Variants in RINT1 observed in about 807,000 individuals in gnomAD.
RINT1 encodes the protein RAD50 interactor 1.
A neutral mutation model predicts 97.7 loss-of-function variants in RINT1; 75 were observed. The observed-to-expected ratio is 0.77, with a 90% CI of 0.64 to 0.93. RINT1 has a LOEUF of 0.93. Among genes scored for constraint, RINT1 ranks in the 40% least tolerant of loss-of-function variants. The pLI is 0.00. For synonymous variants in RINT1, 303 were observed against 326.3 expected, an observed-to-expected ratio of 0.93 and a Z score of 0.77; for missense variants, 892 against 925.2, an observed-to-expected ratio of 0.96 and a Z score of 0.47.
At chr7:105,561,442 C>T (rs750456169) in intron 11 of RINT1, among the ~76,000 whole-genome samples, 28 of 151,880 alleles carry the variant, frequency 1.8e-4, no homozygotes, top group Non-Finnish European at 3.1e-4. Flanking sequence ...ACAGGAGAAT[C>T]GCCTGAACCA....
chr7:105,559,026 C>G (rs1049209235), intron 11 of RINT1, among the ~76,000 whole-genome samples: 6 of 152,156 alleles, frequency 3.9e-5, no homozygotes, highest in Admixed American at 3.3e-4. Context: ...TAACTAGGTT[C>G]TCTGTCAGCA....
intron 4 of RINT1, among the ~76,000 whole-genome samples, chr7:105,546,124 C>T (rs926905625): frequency 2.0e-5 from 3 of 152,146 alleles, no homozygotes; most frequent in Non-Finnish European, 2.9e-5. Flanking sequence ...CCACCAAGCC[C>T]CGCCTGGAAT....
chr7:105,566,568 A>G (rs1470528086), intron 14 of RINT1: 1 of 152,110 alleles, frequency 6.6e-6, no homozygotes, highest in East Asian at 1.9e-4. Context: ...GCTACTTGAG[A>G]GGCTGAGGCT....
Position 105,547,000 on chromosome 7 carries a change from G to A in RINT1, c.606G>A (p.Gln202=). ...TGGCAGAACTTGACATTAAACTTCA[G>A]GAATCATCTTGTACTCATCTTCTTG... ...VSMAELDIKL[Q]ESSCTHLLGF... The change falls in exon 5 of 15, where the codon CAG becomes CAA. Residue 202 remains glutamine, a synonymous_variant. Coordinates refer to ENST00000257700, the MANE Select transcript of RINT1 (RefSeq NM_021930.6). 1 of 1,613,920 alleles carries A rather than the reference G, an allele frequency of 6.2e-7. No individual in the cohort carries two copies. The highest frequency in any genetic ancestry group is 1.1e-5 in the South Asian group (1 of 91,052).
intron 3 of RINT1, 37 bp from the exon 4 acceptor site, chr7:105,542,371 T>A: frequency 6.9e-7 from 1 of 1,459,594 alleles, no homozygotes; most frequent in South Asian, 1.2e-5. Context: ...TGATTGCTGC[T>A]GTTCTTTCTT....
At position 105,550,151 on chromosome 7, in the gene RINT1, T is replaced by C; in HGVS notation, c.1093T>C (p.Leu365=). Reference sequence around the variant, plus strand: ...GCCAATATTAGACAAAGTAGGCTCTTTGGTAAACGCAAGGGTAAGAGACTC... The same window carrying C: ...GCCAATATTAGACAAAGTAGGCTCTCTGGTAAACGCAAGGGTAAGAGACTC... The part of the protein sequence containing the change: ...IQPILDKVGS[L]VNARLEFSRG... The change falls in exon 8 of 15, where the codon TTG becomes CTG. Residue 365 remains leucine (L), a synonymous_variant. Transcript: ENST00000257700. The C allele has an allele frequency of 6.2e-7, 1 of 1,613,100 alleles. No homozygotes were observed. Among genetic ancestry groups the C allele is most frequent in the Non-Finnish European group, 8.5e-7 (1 of 1,179,138 alleles).
At chr7:105,545,531 T>TATA (rs1491113569) in intron 4 of RINT1, among the ~76,000 whole-genome samples, 15 of 107,476 alleles carry the variant, frequency 1.4e-4, no homozygotes, top group African/African-American at 4.4e-4. Flanking sequence ...TATATATATA[T>TATA]TTTTTTTTTT....
intron 3 of RINT1, among the ~76,000 whole-genome samples, chr7:105,541,223 ACCT>A (rs921110238): frequency 1.3e-5 from 2 of 150,446 alleles, no homozygotes; most frequent in African/African-American, 4.9e-5. Context: ...GCTCACTGCA[ACCT>A]CCTCCCGGTT....
In RINT1 at chr7:105,555,020, T is replaced by A. The variant is rs961408238; in HGVS notation, c.1472-8T>A. 2.5e-6 allele frequency: 4 copies of A among 1,611,234 alleles called. No homozygotes were observed. In the African/African-American group the frequency reaches 5.4e-5, roughly 22 times the overall value. On this transcript the variant is annotated splice_polypyrimidine_tract_variant and splice_region_variant and intron_variant, in intron 10 of 14. Transcript: ENST00000257700. Reference sequence around the variant, plus strand: ...AACCTTCATATGTCTTAATAACTTTTTCCACAGACAGGTATAAAAATCTTC... The same window carrying A: ...AACCTTCATATGTCTTAATAACTTTATCCACAGACAGGTATAAAAATCTTC...
At chr7:105,558,453 G>A (rs965955611) in intron 11 of RINT1, among the ~76,000 whole-genome samples, 2 of 152,088 alleles carry the variant, frequency 1.3e-5, no homozygotes, top group Non-Finnish European at 2.9e-5. Context: ...TGTTATTCTT[G>A]ATTCTTGTGC....
chr7:105,554,967 C>A, intron 10 of RINT1, 61 bp from the exon 11 acceptor site: 1 of 1,365,786 alleles, frequency 7.3e-7, no homozygotes, highest in Non-Finnish European at 1.0e-6. Flanking sequence ...GTAGGGAAAA[C>A]TTATAACTAT....
intron 4 of RINT1, among the ~76,000 whole-genome samples, chr7:105,542,969 A>G (rs1790520638): frequency 6.6e-6 from 1 of 151,222 alleles, no homozygotes; most frequent in African/African-American, 2.4e-5. Context: ...ACTGCAAGCT[A>G]CACCTCCCGG....
intron 11 of RINT1, among the ~76,000 whole-genome samples, chr7:105,560,983 G>C (rs1166199668): frequency 6.6e-6 from 1 of 151,964 alleles, no homozygotes; most frequent in African/African-American, 2.4e-5. Flanking sequence ...GGCTCCCAAA[G>C]TGCTGGGTTT....
chr7:105,540,063 T>C (rs1429475493), intron 3 of RINT1, among the ~76,000 whole-genome samples: 3 of 151,990 alleles, frequency 2.0e-5, no homozygotes, highest in African/African-American at 7.2e-5. Flanking sequence ...AAAATTCACT[T>C]AATAAATGCC....
Position 105,532,230 on chromosome 7 carries a change from T to G in RINT1, c.-86T>G. On this transcript the variant is annotated 5_prime_UTR_variant, in exon 1 of 15. Transcript: ENST00000257700. ...CACTCAGTCCTACGGCCTCCGAGGC[T>G]GGGTAGTGAGTGTGTCGCTGGCCTT... 1.4e-6 allele frequency: 2 copies of G among 1,443,450 alleles called. No individual in the cohort carries two copies. Among genetic ancestry groups the G allele is most frequent in the South Asian group, 1.2e-5 (1 of 80,656 alleles). 89.4% of individuals were successfully genotyped at this position (1,443,450 alleles called of 1,614,324 possible). A position where few individuals can be genotyped will look rare whatever the true frequency, so the allele number is the denominator to read the frequency against.
At chr7:105,555,899 A>C (rs2133429121) in intron 11 of RINT1, among the ~76,000 whole-genome samples, 1 of 152,250 alleles carries the variant, frequency 6.6e-6, no homozygotes, top group African/African-American at 2.4e-5. Context: ...CTGAGGTGGG[A>C]GGATCACTGG....
intron 10 of RINT1, among the ~76,000 whole-genome samples, chr7:105,553,234 C>CT (rs1432967908): frequency 2.0e-5 from 3 of 150,132 alleles, no homozygotes; most frequent in African/African-American, 4.9e-5. Context: ...ATTGTAAATT[C>CT]TTTTTTTTGA....
intron 6 of RINT1, 151 bp from the exon 7 acceptor site, chr7:105,548,403 T>G: frequency 1.5e-6 from 1 of 661,624 alleles, no homozygotes; most frequent in Non-Finnish European, 2.6e-6. Flanking sequence ...TTATTCAATA[T>G]AAAATTAGGT....
Position 105,565,564 on chromosome 7 carries a change from C to G in RINT1, c.2102C>G (p.Ala701Gly). The change falls in exon 14 of 15, where the codon GCA becomes GGA. Residue 701 changes from alanine (A) to glycine (G), a missense_variant. Physicochemically the swap from Ala to Gly is moderately conservative, Grantham distance 60. Transcript: ENST00000257700. The part of the protein sequence containing the change: ...ILANHFNEGG[A>G]AQLQFDMTRN... ...GCTAATCACTTCAATGAAGGAGGAG[C>G]AGCCCAGCTGCAGTTTGATATGACT... is the stretch of plus-strand genomic sequence containing the variant. 1 of 1,613,902 alleles carries G rather than the reference C, an allele frequency of 6.2e-7. No individual in the cohort carries two copies. Among genetic ancestry groups the G allele is most frequent in the Non-Finnish European group, 8.5e-7 (1 of 1,179,800 alleles).
Sources: gnomAD v4.1 joint callset for allele counts (sites outside exome capture counted in the v4.1 genomes callset) on GRCh38, gnomAD v4.1.1 for gene constraint, MANE v1.5 for transcripts, NCBI Gene and HGNC (gene_info 2026-07-23, HGNC 2026-07-21) for gene names.